The following ERCC1 variants were observed in gnomAD, a reference collection of about 807,000 sequenced individuals.
ERCC1 encodes the protein DNA excision repair protein ERCC-1.
ERCC1 carries 36 observed loss-of-function variants against 37.6 expected under a neutral mutation model. The observed-to-expected ratio is 0.96, with a 90% CI of 0.73 to 1.26. The LOEUF is 1.26. Ranked by LOEUF, ERCC1 falls within the 50% of genes most tolerant of loss-of-function variation. The pLI is 0.00. For synonymous variants in ERCC1, 156 were observed against 162.1 expected (o/e 0.96, Z 0.28); for missense variants, 349 against 376.5 (o/e 0.93, Z 0.60).
intron 6 of ERCC1, 30 bp from the exon 7 acceptor site, chr19:45,414,990 A>C: frequency 6.6e-7 from 1 of 1,514,922 alleles, no homozygotes. Flanking sequence ...GGCAGCCGGG[A>C]GGTGAGGTAT....
At chr19:45,432,067 G>T (rs906032039) in intron 1 of ERCC1, among the ~76,000 whole-genome samples, 13 of 152,158 alleles carry the variant, frequency 8.5e-5, no homozygotes, top group African/African-American at 3.1e-4. Flanking sequence ...CGCCTCCCGG[G>T]TTCAAGCAAT....
rs747942403 is a variant in ERCC1, at chr19:45,409,424, C to T, written c.*251G>A. 5.6e-5 allele frequency: 91 copies of T among 1,613,628 alleles called. No individual in the cohort carries two copies. Among genetic ancestry groups the T allele is most frequent in the Non-Finnish European group, 6.5e-5 (77 of 1,180,026 alleles). ...CCAAGAGGAGATGCCAGGGCCGCCA[C>T]TGAATTCAGAGTCTGGGGAGGAGGC... is the stretch of plus-strand genomic sequence containing the variant. On this transcript the variant is annotated 3_prime_UTR_variant, in exon 10 of 10. Transcript: ENST00000300853.
intron 1 of ERCC1, among the ~76,000 whole-genome samples, chr19:45,444,539 CT>C (rs1377222800): frequency 6.6e-6 from 1 of 152,224 alleles, no homozygotes; most frequent in Non-Finnish European, 1.5e-5. Flanking sequence ...GCGCCAAACC[CT>C]CGGCCTTGGC....
intron 6 of ERCC1, chr19:45,416,573 C>A (rs939788907): frequency 8.0e-6 from 4 of 498,528 alleles, no homozygotes; most frequent in African/African-American, 7.8e-5. Flanking sequence ...TGCTTGAACC[C>A]CCAAGGCAGA....
chr19:45,408,087 T>C lies in ERCC1; in HGVS notation c.*1588A>G. ...AAAAAAAAAATCAAAAAACCTTCCC[T>C]CTCCTGTTCCACTTAAGCCTCTGCC... On this transcript the variant is annotated 3_prime_UTR_variant, in exon 10 of 10. Coordinates refer to ENST00000300853, the MANE Select transcript of ERCC1 (RefSeq NM_001983.4). 6.7e-7 allele frequency: 1 copy of C among 1,490,050 alleles called. No homozygotes were observed. The highest frequency in any genetic ancestry group is 9.0e-7 in the Non-Finnish European group (1 of 1,107,870). 92.3% of individuals were successfully genotyped at this position (1,490,050 alleles called of 1,614,324 possible). A position where few individuals can be genotyped will look rare whatever the true frequency, so the allele number is the denominator to read the frequency against.
intron 9 of ERCC1, chr19:45,410,502 CATTATT>C (rs955496226): frequency 1.3e-5 from 2 of 151,260 alleles, no homozygotes; most frequent in Non-Finnish European, 2.9e-5. Flanking sequence ...TAAAATGTAC[CATTATT>C]ATTGACTATA....
intron 1 of ERCC1, 184 bp from the exon 2 acceptor site, chr19:45,423,565 C>T (rs1974574967): frequency 7.0e-7 from 1 of 1,432,060 alleles, no homozygotes; most frequent in Non-Finnish European, 9.1e-7. Context: ...TTCGGCTCGC[C>T]CCGCCCCTTA....
At chr19:45,413,935 C>A in intron 8 of ERCC1, 28 bp downstream of exon 8, 1 of 1,608,112 alleles carries the variant, frequency 6.2e-7, no homozygotes, top group Non-Finnish European at 8.5e-7. Flanking sequence ...GACAGAAATG[C>A]CTATGGGGCA....
At chr19:45,440,420 G>A (rs1975091195) in intron 1 of ERCC1, among the ~76,000 whole-genome samples, 1 of 152,158 alleles carries the variant, frequency 6.6e-6, no homozygotes, top group African/African-American at 2.4e-5. Flanking sequence ...GGATCACAGG[G>A]AGTCAGGAGA....
intron 9 of ERCC1, among the ~76,000 whole-genome samples, chr19:45,411,567 G>T (rs1268631623): frequency 6.6e-6 from 1 of 152,052 alleles, no homozygotes; most frequent in Non-Finnish European, 1.5e-5. Flanking sequence ...ACCGAGGTGG[G>T]TGGATCACCA....
At chr19:45,445,296 G>A (rs1013677505) in intron 1 of ERCC1, among the ~76,000 whole-genome samples, 5 of 152,198 alleles carry the variant, frequency 3.3e-5, no homozygotes. Context: ...GATTAGAGGT[G>A]TGAGCCACGG....
chr19:45,412,735 CT>C (rs1158971292), intron 9 of ERCC1, among the ~76,000 whole-genome samples: 1,835 of 139,518 alleles, frequency 0.013, 21 homozygotes, highest in African/African-American at 0.034. Flanking sequence ...GCCTTTTATT[CT>C]TTTTTTTTTT....
chr19:45,449,369 G>A (rs1342451538), intron 1 of ERCC1: 2 of 152,210 alleles, frequency 1.3e-5, no homozygotes, highest in Non-Finnish European at 2.9e-5. Flanking sequence ...AAAACCCAGT[G>A]AGGAGCTGGA....
At chr19:45,412,014 A>G (rs1325098304) in intron 9 of ERCC1, among the ~76,000 whole-genome samples, 2 of 150,820 alleles carry the variant, frequency 1.3e-5, no homozygotes, top group Admixed American at 6.6e-5. Context: ...CCACCACCAC[A>G]CCCAGCTAAT....
intron 9 of ERCC1, chr19:45,413,435 G>A (rs955841279): frequency 5.4e-6 from 4 of 736,520 alleles, no homozygotes; most frequent in African/African-American, 3.5e-5. Flanking sequence ...ACACCACCAT[G>A]CCCAGCTAGT....
Position 45,408,796 on chromosome 19 carries a change from T to A in ERCC1, c.*879A>T. 1 of 1,613,428 alleles carries A rather than the reference T, an allele frequency of 6.2e-7. No homozygotes were observed. Among genetic ancestry groups the A allele is most frequent in the Non-Finnish European group, 8.5e-7 (1 of 1,179,932 alleles). ...CAGTGAAGCAGGAACAGATTAACAC[T>A]GAGCCTCTAGAAGACACAGTCCTGT... On this transcript the variant is annotated 3_prime_UTR_variant, in exon 10 of 10. Transcript: ENST00000300853.
rs1599845377 is a variant in ERCC1 at position 45,423,894 on chromosome 19, T to C, written c.-121A>G. On this transcript the variant is annotated 5_prime_UTR_variant, in exon 1 of 10. Coordinates refer to ENST00000300853, the MANE Select transcript of ERCC1 (RefSeq NM_001983.4). ...CGGCCCACTGCCAGCACGGCCAGCG[T>C]GGCCCAGGGCTCGCAGCACTTCCGG... 2 of 1,104,672 alleles carry C rather than the reference T, an allele frequency of 1.8e-6. No homozygotes were observed. Among genetic ancestry groups the C allele is most frequent in the Middle Eastern group, 4.0e-4 (1 of 2,488 alleles). 68.4% of individuals were successfully genotyped at this position (1,104,672 alleles called of 1,614,324 possible).
chr19:45,451,216 C>T (rs1159822525), intron 1 of ERCC1, among the ~76,000 whole-genome samples: 2 of 152,202 alleles, frequency 1.3e-5, no homozygotes, highest in Admixed American at 6.5e-5. Context: ...CCCTCCTCCC[C>T]GGCATGTCCG....
In ERCC1 at chr19:45,408,329, C is replaced by T. The variant is rs1158414554; in HGVS notation, c.*1346G>A. 1 of 1,608,800 alleles carries T rather than the reference C, an allele frequency of 6.2e-7. No individual in the cohort carries two copies. The highest frequency in any genetic ancestry group is 1.1e-5 in the South Asian group (1 of 90,810). ...GGGCACCCTAAGGATCCTTGAGGGT[C>T]CCCAGCAATCCCTGTCAGGGAGCCC... On this transcript the variant is annotated 3_prime_UTR_variant, in exon 10 of 10. Transcript: ENST00000300853.
Sources: gnomAD v4.1 joint callset for allele counts (sites outside exome capture counted in the v4.1 genomes callset) on GRCh38, gnomAD v4.1.1 for gene constraint, MANE v1.5 for transcripts, NCBI Gene and HGNC (gene_info 2026-07-23, HGNC 2026-07-21) for gene names.